BRSK1: variants seen among roughly 807,000 people sequenced by gnomAD.
The protein encoded by BRSK1 is BR serine/threonine kinase 1.
Under a neutral mutation model 86.2 loss-of-function variants are expected in BRSK1, and 17 were observed. The observed-to-expected ratio is 0.20, with a 90% CI of 0.14 to 0.30. BRSK1 has a LOEUF of 0.30. Among genes scored for constraint, BRSK1 ranks in the 10% least tolerant of loss-of-function variants. The probability of loss-of-function intolerance (pLI) is 1.00; values close to 1 mark genes in which losing one functional copy is unlikely to be tolerated. For missense variants in BRSK1, 719 were observed against 1,071.9 expected (o/e 0.67, Z 4.60); for synonymous variants, 464 against 440.1 (o/e 1.05, Z -0.68).
chr19:55,311,960 C>T lies in BRSK1; in HGVS notation c.2229C>T (p.Ser743=). The T allele has an allele frequency of 6.2e-7, 1 of 1,606,920 alleles. No individual in the cohort carries two copies. ...QTRPAGAPPR[S]LQPPPGRPDP... is the part of the protein sequence containing the mutation. ...GGCCTGCTGGTGCCCCACCCCGAAGCCTGCAGCCCCCACCCGGCCGCCCAG... is the reference window on the plus strand; with the variant it reads ...GGCCTGCTGGTGCCCCACCCCGAAGTCTGCAGCCCCCACCCGGCCGCCCAG... The change falls in exon 19 of 19, where the codon AGC becomes AGT. Residue 743 remains serine, a synonymous_variant. Coordinates refer to ENST00000309383, the MANE Select transcript of BRSK1 (RefSeq NM_032430.2).
intron 17 of BRSK1, among the ~76,000 whole-genome samples, chr19:55,307,610 G>A (rs1239688074): frequency 6.7e-6 from 1 of 150,322 alleles, no homozygotes; most frequent in African/African-American, 2.5e-5. Context: ...TTTTTCTGAG[G>A]CCAGGCATGA....
intron 17 of BRSK1, among the ~76,000 whole-genome samples, chr19:55,308,103 C>T (rs1197926474): frequency 6.6e-6 from 1 of 151,158 alleles, no homozygotes; most frequent in Non-Finnish European, 1.5e-5. Flanking sequence ...TCACTGCAAC[C>T]TCTGCCTCCT....
At position 55,302,190 on chromosome 19, in the gene BRSK1, T is replaced by G. The variant is rs770524189; in HGVS notation, c.857+22T>G. The stretch of plus-strand genomic sequence containing the variant: ...ACCTGTGAGTATGGGGTAACTGGAC[T>G]CTTGGGTCCCTGGCGGAAATAGGGG... On this transcript the variant is annotated intron_variant, in intron 9 of 18. Coordinates refer to ENST00000309383, the MANE Select transcript of BRSK1 (RefSeq NM_032430.2). The surrounding 1 kb of genome is among the most constrained non-coding windows in gnomAD (Gnocchi z 6.3). 5 of 1,613,670 alleles carry G rather than the reference T, an allele frequency of 3.1e-6. No homozygotes were observed. In the East Asian group the frequency reaches 1.1e-4, roughly 36 times the overall value.
At chr19:55,292,348 A>G (rs1014982786) in intron 4 of BRSK1, among the ~76,000 whole-genome samples, 1 of 152,168 alleles carries the variant, frequency 6.6e-6, no homozygotes, top group African/African-American at 2.4e-5. Context: ...TACATATTCA[A>G]ATACTTACAG....
intron 18 of BRSK1, among the ~76,000 whole-genome samples, chr19:55,309,422 A>C (rs376640842): frequency 6.6e-6 from 1 of 152,200 alleles, no homozygotes; most frequent in East Asian, 1.9e-4. Flanking sequence ...CTACTATAAG[A>C]AAATACCATA....
At chr19:55,305,271 CT>C in intron 14 of BRSK1, 49 bp from the exon 15 acceptor site, 1 of 1,608,788 alleles carries the variant, frequency 6.2e-7, no homozygotes. Context: ...GTGCTGGCAA[CT>C]GGGATGATGC....
At chr19:55,292,968 A>G (rs1568981195) in intron 4 of BRSK1, among the ~76,000 whole-genome samples, 1 of 152,192 alleles carries the variant, frequency 6.6e-6, no homozygotes. Flanking sequence ...TGACTGTGGT[A>G]CTGCACTCCA....
chr19:55,301,277 C>CT (rs2088565610), intron 7 of BRSK1, among the ~76,000 whole-genome samples: 1 of 152,200 alleles, frequency 6.6e-6, no homozygotes, highest in Non-Finnish European at 1.5e-5. Flanking sequence ...GGAAAGCTGT[C>CT]TAAAAGGAAC....
In BRSK1 at chr19:55,289,574, C is replaced by T. The variant is rs765382042; in HGVS notation, c.412C>T (p.Arg138Cys). 5 of 1,614,110 alleles carry T rather than the reference C, an allele frequency of 3.1e-6. No homozygotes were observed. The highest frequency in any genetic ancestry group is 1.7e-5 in the Admixed American group (1 of 60,012). ...LTPKEARKFF[R>C]QIVSALDFCH... ...GCCCAAGGAGGCCCGAAAGTTCTTC[C>T]GCCAGATTGTGTCTGCGCTGGACTT... Residue 138 changes from arginine to cysteine, a missense_variant, in exon 4 of 19, where the codon CGC (arginine) becomes TGC (cysteine). Coordinates refer to ENST00000309383, the MANE Select transcript of BRSK1 (RefSeq NM_032430.2).
Position 55,308,062 on chromosome 19 carries a change from C to T in BRSK1, c.2090-577C>T, listed in dbSNP as rs559705163. Among the ~76,000 whole-genome samples the T allele has an allele frequency of 2.3e-4, 34 of 146,194 alleles. 1 individual carries two copies. The South Asian group carries it at 7.5e-3, about 32-fold the overall frequency. On this transcript the variant is annotated intron_variant, in intron 17 of 18. Coordinates refer to ENST00000309383, the MANE Select transcript of BRSK1 (RefSeq NM_032430.2). ...TTGAGACAGAGTCTTGCTCTGTCGT[C>T]CAGGCTGGAGTGCAATGGCGTGATC...
At chr19:55,290,501 C>T (rs576080350) in intron 4 of BRSK1, among the ~76,000 whole-genome samples, 19 of 152,226 alleles carry the variant, frequency 1.2e-4, no homozygotes, top group African/African-American at 4.6e-4. Context: ...GCAAGTCTTT[C>T]ATCAGTATAC....
chr19:55,288,961 T>C (rs12611091), intron 3 of BRSK1, among the ~76,000 whole-genome samples: 75,451 of 151,968 alleles, frequency 0.5, 19,141 homozygotes, highest in East Asian at 0.77. Flanking sequence ...CTTGGACTGG[T>C]GCAACCTTGC....
rs943444369 is a variant in BRSK1 at position 55,310,689 on chromosome 19, C to T, written c.2180-1222C>T. 1.3e-5 allele frequency among the ~76,000 whole-genome samples: 2 copies of T among 152,156 alleles called. No individual in the cohort carries two copies. Among genetic ancestry groups the T allele is most frequent in the African/African-American group, 2.4e-5 (1 of 41,428 alleles). On this transcript the variant is annotated intron_variant, in intron 18 of 18. Transcript: ENST00000309383. The surrounding 1 kb of genome is among the most constrained non-coding windows in gnomAD (Gnocchi z 5.0). ...CTACAATTCACAGAACAGCCCCCCACGACAGCTGGGTCCCAAATGGCAGTC... is the reference window on the plus strand; with the variant it reads ...CTACAATTCACAGAACAGCCCCCCATGACAGCTGGGTCCCAAATGGCAGTC...
chr19:55,288,365 T>C (rs1188804926), intron 3 of BRSK1, among the ~76,000 whole-genome samples: 2 of 151,388 alleles, frequency 1.3e-5, no homozygotes, highest in Non-Finnish European at 2.9e-5. Flanking sequence ...TCCTACCTAC[T>C]TGGGAGGCTG....
intron 15 of BRSK1, 37 bp downstream of exon 15, chr19:55,305,406 G>A (rs555330794): frequency 1.6e-4 from 251 of 1,614,188 alleles, no homozygotes; most frequent in East Asian, 6.9e-4. Context: ...GGGGATGCAG[G>A]GGATTCATGC....
At chr19:55,301,948 A>C (rs937578974) in intron 8 of BRSK1, 189 bp from the exon 9 acceptor site, 10 of 843,630 alleles carry the variant, frequency 1.2e-5, no homozygotes, top group Non-Finnish European at 2.0e-5. Flanking sequence ...TCCGGGGTAC[A>C]CGGAGACCGC....
chr19:55,299,864 C>T (rs1323543971), intron 7 of BRSK1, among the ~76,000 whole-genome samples: 11 of 152,060 alleles, frequency 7.2e-5, no homozygotes, highest in Non-Finnish European at 1.0e-4. Context: ...CCCCATTCTC[C>T]GTCCACAGGC....
In BRSK1 at chr19:55,310,943, T is replaced by C. The variant is rs1459358727; in HGVS notation, c.2180-968T>C. Among the ~76,000 whole-genome samples the C allele has an allele frequency of 6.6e-6, 1 of 152,022 alleles. No individual in the cohort carries two copies. The stretch of plus-strand genomic sequence containing the variant: ...CAGGCCTCCGAGTCACCGTGGTTGC[T>C]ATGACAAGCCCCCCAGTTTTTGTTT... On this transcript the variant is annotated intron_variant, in intron 18 of 18. Coordinates refer to ENST00000309383, the MANE Select transcript of BRSK1 (RefSeq NM_032430.2). The surrounding 1 kb of genome is among the most constrained non-coding windows in gnomAD (Gnocchi z 5.0).
At position 55,287,158 on chromosome 19, in the gene BRSK1, A is replaced by G. The variant is rs2088330587; in HGVS notation, c.232-56A>G. 4 of 1,370,462 alleles carry G rather than the reference A, an allele frequency of 2.9e-6. No homozygotes were observed. The South Asian group carries it at 4.6e-5, about 16-fold the overall frequency. The allele number at this position is 1,370,462 out of a possible 1,614,324, so 84.9% of individuals were successfully genotyped here. ...TGGGGGGGCCTCCGGGGCTGAGGGC[A>G]GGGGCGGGGCCGTGCTGACCTCTTT... On this transcript the variant is annotated intron_variant, in intron 2 of 18. Transcript: ENST00000309383. This position sits in a 1 kb window ranked among gnomAD's most constrained non-coding sequence, Gnocchi z 5.3.
Sources: gnomAD v4.1 joint callset for allele counts (sites outside exome capture counted in the v4.1 genomes callset) on GRCh38, gnomAD v4.1.1 for gene constraint, Gnocchi (gnomAD v3.1) non-coding constraint, MANE v1.5 for transcripts, NCBI Gene and HGNC (gene_info 2026-07-23, HGNC 2026-07-21) for gene names.